The following GALNT13 variants were observed in gnomAD, a reference collection of about 807,000 sequenced individuals.
GALNT13 encodes polypeptide N-acetylgalactosaminyltransferase 13, also known as UDP-GalNAc:polypeptide N-acetylgalactosaminyltransferase 13.
In GALNT13, 28 loss-of-function variants were observed where a neutral mutation model predicts 64.2. The ratio of observed to expected loss-of-function variants is 0.44; its 90% CI spans 0.32 to 0.60. GALNT13 has a LOEUF of 0.60. GALNT13 is among the 20% of genes least tolerant of loss of function. The pLI is 0.05. For missense variants in GALNT13, 577 were observed against 669.8 expected (o/e 0.86, Z 1.53); for synonymous variants, 214 against 224.6 (o/e 0.95, Z 0.42).
At chr2:153,403,622 A>G in the GALNT13 span, among the ~76,000 whole-genome samples, 1 of 152,120 alleles carries the variant, frequency 6.6e-6, no homozygotes, top group African/African-American at 2.4e-5. Flanking sequence ...GCAGGATATA[A>G]TCTTGTGATG....
chr2:153,946,257 G>A (rs2105389702), intron 3 of GALNT13, among the ~76,000 whole-genome samples: 1 of 152,196 alleles, frequency 6.6e-6, no homozygotes, highest in African/African-American at 2.4e-5. Flanking sequence ...GCAAAACTTT[G>A]ATAGCCTTTT....
the GALNT13 span, among the ~76,000 whole-genome samples, chr2:153,086,780 G>A: frequency 2.0e-5 from 3 of 149,436 alleles, no homozygotes; most frequent in Admixed American, 1.3e-4. Context: ...TTGATTCTTA[G>A]CTCCATCACT....
intron 4 of GALNT13, among the ~76,000 whole-genome samples, chr2:154,228,377 A>G (rs2105840017): frequency 6.6e-6 from 1 of 152,264 alleles, no homozygotes; most frequent in African/African-American, 2.4e-5. Context: ...ACTGTGATCC[A>G]TGAACTGATT....
the GALNT13 span, among the ~76,000 whole-genome samples, chr2:153,359,287 T>G: frequency 6.6e-6 from 1 of 152,212 alleles, no homozygotes. Flanking sequence ...CGTTATTTTA[T>G]TTTACCAAAT....
chr2:153,719,273 TACTTA>T, the GALNT13 span, among the ~76,000 whole-genome samples: 3,563 of 152,198 alleles, frequency 0.023, 111 homozygotes, highest in East Asian at 0.12. Context: ...TACATAAAGA[TACTTA>T]ACTTATCTAT....
At chr2:154,418,508 G>A (rs1227825636) in intron 11 of GALNT13, among the ~76,000 whole-genome samples, 2 of 152,046 alleles carry the variant, frequency 1.3e-5, no homozygotes, top group East Asian at 1.9e-4. Flanking sequence ...GGAGTAAAGC[G>A]GCCAATAAGC....
At chr2:153,974,220 C>T (rs1156267062) in intron 3 of GALNT13, among the ~76,000 whole-genome samples, 1 of 152,040 alleles carries the variant, frequency 6.6e-6, no homozygotes, top group Non-Finnish European at 1.5e-5. Flanking sequence ...TAACTCCTTA[C>T]TTTGGCACCA....
At chr2:154,361,964 A>G (rs967962090) in intron 9 of GALNT13, among the ~76,000 whole-genome samples, 2 of 152,084 alleles carry the variant, frequency 1.3e-5, no homozygotes, top group Admixed American at 1.3e-4. Flanking sequence ...CTTGACTGCC[A>G]TACTTGATTT....
chr2:153,616,387 C>A, the GALNT13 span, among the ~76,000 whole-genome samples: 2 of 151,790 alleles, frequency 1.3e-5, no homozygotes, highest in South Asian at 4.2e-4. Context: ...GTTCTTTTTG[C>A]TTAGGACCAT....
intron 3 of GALNT13, among the ~76,000 whole-genome samples, chr2:154,137,695 CCCATG>C (rs1683033490): frequency 6.6e-6 from 1 of 152,026 alleles, no homozygotes; most frequent in Admixed American, 6.6e-5. Context: ...TAGAGTTGAG[CCCATG>C]TCTTTTCCAC....
At chr2:154,340,196 C>T (rs184222429) in intron 9 of GALNT13, among the ~76,000 whole-genome samples, 1 of 152,196 alleles carries the variant, frequency 6.6e-6, no homozygotes, top group African/African-American at 2.4e-5. Flanking sequence ...ATGTTTCCCT[C>T]ATTCTTTATG....
At chr2:153,069,048 G>A in the GALNT13 span, among the ~76,000 whole-genome samples, 4 of 152,208 alleles carry the variant, frequency 2.6e-5, no homozygotes, top group African/African-American at 9.6e-5. Context: ...TAAGCATTCA[G>A]CAGGGAATAC....
At chr2:153,722,401 G>C in the GALNT13 span, among the ~76,000 whole-genome samples, 2 of 139,016 alleles carry the variant, frequency 1.4e-5, no homozygotes, top group South Asian at 2.5e-4. Context: ...AAAAGAACTA[G>C]AAAAGCAAGA....
chr2:153,512,194 C>T, the GALNT13 span, among the ~76,000 whole-genome samples: 2 of 152,086 alleles, frequency 1.3e-5, no homozygotes, highest in African/African-American at 4.8e-5. Context: ...TTATTCAGAT[C>T]CAGATCTTCA....
At chr2:153,906,492 A>G (rs1320323953) in intron 2 of GALNT13, among the ~76,000 whole-genome samples, 1 of 149,504 alleles carries the variant, frequency 6.7e-6, no homozygotes, top group African/African-American at 2.5e-5. Context: ...GAGAACATGC[A>G]GTGTTTGGTT....
At chr2:154,014,549 C>T (rs1156740398) in intron 3 of GALNT13, among the ~76,000 whole-genome samples, 1 of 147,488 alleles carries the variant, frequency 6.8e-6, no homozygotes, top group Non-Finnish European at 1.5e-5. Flanking sequence ...CTGGCTGTGT[C>T]AGGTCAGCCA....
At chr2:153,470,580 A>G in the GALNT13 span, among the ~76,000 whole-genome samples, 3 of 142,596 alleles carry the variant, frequency 2.1e-5, no homozygotes, top group East Asian at 1.9e-4. Flanking sequence ...AGATGGAGAA[A>G]GTCTGAGTGA....
At chr2:153,122,228 A>G in the GALNT13 span, among the ~76,000 whole-genome samples, 2 of 151,854 alleles carry the variant, frequency 1.3e-5, no homozygotes, top group Non-Finnish European at 2.9e-5. Context: ...CCTTGTACCA[A>G]GTGCAATGTC....
the GALNT13 span, among the ~76,000 whole-genome samples, chr2:153,727,404 CT>C: frequency 1.1e-4 from 17 of 152,098 alleles, no homozygotes; most frequent in Non-Finnish European, 1.5e-5. Context: ...GCATTTGGTA[CT>C]TTTTTTTATT....
Sources: allele counts gnomAD v4.1 joint callset (sites outside exome capture counted in the v4.1 genomes callset), GRCh38; gene constraint gnomAD v4.1.1; transcripts MANE v1.5; gene names NCBI Gene and HGNC (gene_info 2026-07-23, HGNC 2026-07-21).